Variants in ADAMTSL1 observed in about 807,000 individuals in gnomAD.
The protein encoded by ADAMTSL1 is ADAMTS-like protein 1.
In ADAMTSL1, 126 loss-of-function variants were observed where a neutral mutation model predicts 201.8. The ratio of observed to expected loss-of-function variants is 0.62; its 90% CI spans 0.54 to 0.72. The LOEUF is 0.72. Ranked by LOEUF, ADAMTSL1 falls within the 30% of genes least tolerant of loss-of-function variation. The probability of loss-of-function intolerance (pLI) is 0.00; values close to 1 mark genes in which losing one functional copy is unlikely to be tolerated. For synonymous variants in ADAMTSL1, 1,121 were observed against 903.4 expected, an observed-to-expected ratio of 1.24 and a Z score of -4.32; for missense variants, 2,679 against 2,277.8, an observed-to-expected ratio of 1.18 and a Z score of -3.59.
At chr9:18,473,737 G>A (rs1027648665), upstream of ADAMTSL1, among the ~76,000 whole-genome samples, 1 of 152,090 alleles carries the variant, frequency 6.6e-6, no homozygotes, top group Non-Finnish European at 1.5e-5. Context: ...TCTCCTGAAT[G>A]GAACAATACA....
chr9:18,359,833 C>CG (rs1316465688), intron 2 of ADAMTSL1, among the ~76,000 whole-genome samples: 5 of 118,936 alleles, frequency 4.2e-5, no homozygotes, highest in African/African-American at 1.6e-4. Context: ...ACCCGCCCCC[C>CG]CGCCCACACA....
At chr9:18,908,306 G>C in intron 28 of ADAMTSL1, 136 bp from the exon 29 acceptor site, 1 of 725,544 alleles carries the variant, frequency 1.4e-6, no homozygotes, top group Non-Finnish European at 2.4e-6. Flanking sequence ...AGGCTGGAGA[G>C]CGGTGGCCAA....
intron 2 of ADAMTSL1, among the ~76,000 whole-genome samples, chr9:18,364,827 GGAGGGAGA>G (rs1027539124): frequency 3.9e-5 from 6 of 152,234 alleles, no homozygotes; most frequent in African/African-American, 1.4e-4. Context: ...GGCTGGAGCA[GGAGGGAGA>G]GAGGGAGTGG....
intron 2 of ADAMTSL1, among the ~76,000 whole-genome samples, chr9:18,343,024 T>C (rs1016556006): frequency 1.8e-4 from 27 of 152,008 alleles, no homozygotes; most frequent in Non-Finnish European, 3.1e-4. Context: ...AATGTGGGTT[T>C]TTTTGTTTTG....
chr9:18,833,921 C>A (rs1563840783), intron 23 of ADAMTSL1, among the ~76,000 whole-genome samples: 1 of 152,110 alleles, frequency 6.6e-6, no homozygotes, highest in African/African-American at 2.4e-5. Context: ...AGCCAGTTAT[C>A]CCAGCACCAT....
At chr9:18,705,759 T>C (rs549102902) in intron 13 of ADAMTSL1, among the ~76,000 whole-genome samples, 3 of 152,294 alleles carry the variant, frequency 2.0e-5, no homozygotes, top group South Asian at 4.2e-4. Context: ...TCGGGAAGCA[T>C]ATTGAACAAA....
At chr9:18,268,092 G>A (rs56379357) in intron 2 of ADAMTSL1, among the ~76,000 whole-genome samples, 5,400 of 152,160 alleles carry the variant, frequency 0.035, 331 homozygotes, top group African/African-American at 0.12. Context: ...ATAATGTGCT[G>A]CATTAAATTG....
intron 2 of ADAMTSL1, among the ~76,000 whole-genome samples, chr9:18,263,573 G>A (rs953305305): frequency 8.5e-5 from 13 of 152,090 alleles, no homozygotes; most frequent in African/African-American, 1.2e-4. Context: ...CGCAAATTCC[G>A]AAGCCAAATT....
chr9:18,842,249 GT>G (rs1825769141), intron 23 of ADAMTSL1, among the ~76,000 whole-genome samples: 1 of 151,930 alleles, frequency 6.6e-6, no homozygotes, highest in Non-Finnish European at 1.5e-5. Context: ...CTTTGTTCTC[GT>G]TGGTTTCAAA....
chr9:18,558,044 T>C (rs977630054), intron 3 of ADAMTSL1, among the ~76,000 whole-genome samples: 1 of 152,114 alleles, frequency 6.6e-6, no homozygotes, highest in Non-Finnish European at 1.5e-5. Flanking sequence ...AATACTGGGA[T>C]ACACGTGCAG....
intron 7 of ADAMTSL1, among the ~76,000 whole-genome samples, chr9:18,650,464 A>T (rs1419248533): frequency 2.0e-5 from 3 of 151,968 alleles, no homozygotes; most frequent in East Asian, 3.9e-4. Flanking sequence ...GGAAATGCAG[A>T]AATCACCCGT....
rs142473138 is a variant in ADAMTSL1 at position 18,428,104 on chromosome 9, T to C, written c.208-76725T>C. Among the ~76,000 whole-genome samples the C allele has an allele frequency of 2.0e-5, 3 of 152,298 alleles. No individual in the cohort carries two copies. In the East Asian group the frequency reaches 5.8e-4, roughly 29 times the overall value. ...TAAATATCTTACAGTCATCCAAGCA[T>C]GGTAAAGCAATTTTGGATCATTATA... On this transcript the variant is annotated intron_variant, in intron 2 of 29. Transcript: ENST00000680146.
chr9:18,690,743 T>C lies in ADAMTSL1; in HGVS notation c.1574+5943T>C, dbSNP rs568390659. Among the ~76,000 whole-genome samples, 3 of 152,292 alleles carry C rather than the reference T, an allele frequency of 2.0e-5. No individual in the cohort carries two copies. In the South Asian group the frequency reaches 6.2e-4, roughly 32 times the overall value. The stretch of plus-strand genomic sequence containing the variant: ...GGCCAGACAGCATCAACCCTTCCCC[T>C]CCAATAGTCTTGACTTCTCTCACTT... On this transcript the variant is annotated intron_variant, in intron 13 of 28. Coordinates refer to ENST00000380548, the MANE Select transcript of ADAMTSL1 (RefSeq NM_001040272.6).
intron 2 of ADAMTSL1, among the ~76,000 whole-genome samples, chr9:18,304,606 G>C (rs1833836249): frequency 6.6e-6 from 1 of 150,596 alleles, no homozygotes; most frequent in Non-Finnish European, 1.5e-5. Context: ...AACACATTTG[G>C]TATTGCTGAT....
At chr9:18,836,973 T>C (rs530791859) in intron 23 of ADAMTSL1, among the ~76,000 whole-genome samples, 56 of 152,346 alleles carry the variant, frequency 3.7e-4, no homozygotes, top group African/African-American at 1.1e-3. Context: ...CCTGAAACTT[T>C]ACTGAAGTCA....
intron 23 of ADAMTSL1, among the ~76,000 whole-genome samples, chr9:18,860,970 T>G (rs376308227): frequency 6.6e-6 from 1 of 152,226 alleles, no homozygotes; most frequent in Non-Finnish European, 1.5e-5. Flanking sequence ...CTGTGGAAAC[T>G]TTAGTTCTCA....
At chr9:18,091,064 TATGC>T (rs765765178) in intron 1 of ADAMTSL1, among the ~76,000 whole-genome samples, 2,244 of 113,772 alleles carry the variant, frequency 0.02, 62 homozygotes, top group African/African-American at 0.076. Flanking sequence ...TGTGTGTGTA[TATGC>T]ATGTGTGTGT....
intron 2 of ADAMTSL1, among the ~76,000 whole-genome samples, chr9:18,394,755 T>C (rs1431759536): frequency 6.6e-6 from 1 of 152,196 alleles, no homozygotes; most frequent in Non-Finnish European, 1.5e-5. Context: ...CTCTCCACTT[T>C]AGACAACATG....
intron 2 of ADAMTSL1, among the ~76,000 whole-genome samples, chr9:18,280,412 A>G (rs1450421243): frequency 6.6e-6 from 1 of 152,078 alleles, no homozygotes; most frequent in Non-Finnish European, 1.5e-5. Flanking sequence ...CTCAAAAAAA[A>G]AAAAAAAGCA....
Sources: allele counts gnomAD v4.1 joint callset (sites outside exome capture counted in the v4.1 genomes callset), GRCh38; gene constraint gnomAD v4.1.1; transcripts MANE v1.5; gene names NCBI Gene and HGNC (gene_info 2026-07-23, HGNC 2026-07-21).